The following WIPF1 variants were observed in gnomAD, a reference collection of about 807,000 sequenced individuals.
WIPF1 encodes WAS/WASL-interacting protein family member 1.
Under a neutral mutation model 35.4 loss-of-function variants are expected in WIPF1, and 13 were observed. The ratio of observed to expected loss-of-function variants is 0.37; its 90% CI spans 0.24 to 0.58. The LOEUF is 0.58. Ranked by LOEUF, WIPF1 falls within the 20% of genes least tolerant of loss-of-function variation. The pLI, the probability that WIPF1 is intolerant of heterozygous loss-of-function variation, is 0.74. For synonymous variants in WIPF1, 267 were observed against 266.3 expected, an observed-to-expected ratio of 1.00 and a Z score of -0.02; for missense variants, 591 against 667.0, an observed-to-expected ratio of 0.89 and a Z score of 1.25.
At chr2:174,655,025 C>T (rs751008046) in intron 1 of WIPF1, among the ~76,000 whole-genome samples, 4 of 152,316 alleles carry the variant, frequency 2.6e-5, no homozygotes, top group Non-Finnish European at 4.4e-5. Flanking sequence ...GGTATGTCCA[C>T]GCTGGCTCTC....
chr2:174,571,840 G>A lies in WIPF1; in HGVS notation c.965C>T (p.Pro322Leu), dbSNP rs2105805895. 6.2e-7 allele frequency: 1 copy of A among 1,614,186 alleles called. No individual in the cohort carries two copies. Among genetic ancestry groups the A allele is most frequent in the Non-Finnish European group, 8.5e-7 (1 of 1,180,030 alleles). ...PPSRPGPPPL[P>L]PSSSGNDETP... ...TTCGTCATTGCCGCTGGAACTTGGA[G>A]GCAGAGGAGGCGGCCCGGGCCTGCT... is the stretch of plus-strand genomic sequence containing the variant. The change falls in exon 5 of 8, where the codon CCT (proline) becomes CTT (leucine). Residue 322 changes from proline to leucine, a missense_variant. By Grantham distance (98) the Pro-to-Leu change is moderately conservative. Coordinates refer to ENST00000679041, the MANE Select transcript of WIPF1 (RefSeq NM_001375834.1). This position sits in a 1 kb window ranked among gnomAD's most constrained non-coding sequence, Gnocchi z 4.6.
At chr2:174,567,446 AG>A (rs1428426126) in intron 6 of WIPF1, among the ~76,000 whole-genome samples, 1 of 152,254 alleles carries the variant, frequency 6.6e-6, no homozygotes, top group African/African-American at 2.4e-5. Context: ...CTGGGGGCTA[AG>A]GTATGGGACA....
intron 1 of WIPF1, among the ~76,000 whole-genome samples, chr2:174,666,936 A>T (rs1313811778): frequency 2.6e-5 from 4 of 152,198 alleles, no homozygotes; most frequent in Non-Finnish European, 4.4e-5. Context: ...ACACAAAGAG[A>T]TCCCTTTGCC....
intron 1 of WIPF1, among the ~76,000 whole-genome samples, chr2:174,610,636 T>C (rs79413570): frequency 0.019 from 2,894 of 152,158 alleles, 56 homozygotes; most frequent in South Asian, 0.06. Context: ...AATGAAACAA[T>C]GATTAAACAA....
At chr2:174,677,207 A>T (rs1340590372) in intron 1 of WIPF1, 1 of 152,162 alleles carries the variant, frequency 6.6e-6, no homozygotes, top group Non-Finnish European at 1.5e-5. Flanking sequence ...CACTCTTAGG[A>T]TCAAATTTGT....
chr2:174,668,405 A>G (rs1391600510), intron 1 of WIPF1, among the ~76,000 whole-genome samples: 1 of 152,152 alleles, frequency 6.6e-6, no homozygotes, highest in African/African-American at 2.4e-5. Context: ...TTTTTTAGTT[A>G]AAAGAAAAAA....
chr2:174,653,664 C>G (rs763072335), intron 1 of WIPF1, among the ~76,000 whole-genome samples: 38 of 150,586 alleles, frequency 2.5e-4, no homozygotes, highest in Non-Finnish European at 4.7e-4. Flanking sequence ...ATGGCGTGAA[C>G]CTGGGAGGCG....
intron 1 of WIPF1, among the ~76,000 whole-genome samples, chr2:174,678,989 G>A (rs1005591387): frequency 6.6e-6 from 1 of 152,200 alleles, no homozygotes; most frequent in Non-Finnish European, 1.5e-5. Flanking sequence ...TATGGAGAAA[G>A]GAATGCCAAC....
At chr2:174,592,411 T>C (rs1381138813) in intron 1 of WIPF1, among the ~76,000 whole-genome samples, 2 of 152,126 alleles carry the variant, frequency 1.3e-5, no homozygotes, top group Non-Finnish European at 1.5e-5. Context: ...AAAGTAACCC[T>C]TAAATACTAT....
intron 1 of WIPF1, among the ~76,000 whole-genome samples, chr2:174,607,594 T>G (rs1350893144): frequency 6.6e-6 from 1 of 151,722 alleles, no homozygotes; most frequent in Non-Finnish European, 1.5e-5. Context: ...TCCTCGAGGA[T>G]TTGACACTCC....
chr2:174,666,739 TGCAGGAA>T (rs1687900212), intron 1 of WIPF1, among the ~76,000 whole-genome samples: 1 of 152,218 alleles, frequency 6.6e-6, no homozygotes, highest in Non-Finnish European at 1.5e-5. Context: ...GGCCTGGCTT[TGCAGGAA>T]GCTGGCTGAT....
chr2:174,602,030 G>A (rs1686026209), upstream of WIPF1, among the ~76,000 whole-genome samples: 1 of 152,198 alleles, frequency 6.6e-6, no homozygotes, highest in Non-Finnish European at 1.5e-5. Flanking sequence ...ATAACCAAAG[G>A]CCTGAGATAA....
Position 174,575,100 on chromosome 2 carries a change from A to C in WIPF1, c.358+104T>G, listed in dbSNP as rs1389613795. 2.3e-5 allele frequency: 28 copies of C among 1,242,574 alleles called. No individual in the cohort carries two copies. The East Asian group carries it at 3.2e-4, about 14-fold the overall frequency. 77.0% of individuals were successfully genotyped at this position (1,242,574 alleles called of 1,614,324 possible). A position where few individuals can be genotyped will look rare whatever the true frequency, so the allele number is the denominator to read the frequency against. Reference sequence around the variant, plus strand: ...AGTGGTAATATTTAAAACAATGTACAATATTTTAATAAGGGCGAAGAGCCT... The same window carrying C: ...AGTGGTAATATTTAAAACAATGTACCATATTTTAATAAGGGCGAAGAGCCT... On this transcript the variant is annotated intron_variant, in intron 4 of 7. Coordinates refer to ENST00000679041, the MANE Select transcript of WIPF1 (RefSeq NM_001375834.1).
At chr2:174,595,220 G>A (rs1685779664) in intron 1 of WIPF1, among the ~76,000 whole-genome samples, 1 of 134,764 alleles carries the variant, frequency 7.4e-6, no homozygotes, top group Non-Finnish European at 1.5e-5. Flanking sequence ...GAGTCCAGGA[G>A]TTTGAGGGTG....
chr2:174,618,401 G>T (rs1686575511), intron 1 of WIPF1, among the ~76,000 whole-genome samples: 1 of 152,246 alleles, frequency 6.6e-6, no homozygotes, highest in African/African-American at 2.4e-5. Flanking sequence ...GGCAAAAATG[G>T]ACAGCTGAGC....
chr2:174,627,463 TTC>T (rs1318710474), intron 1 of WIPF1, among the ~76,000 whole-genome samples: 1 of 150,088 alleles, frequency 6.7e-6, no homozygotes, highest in Non-Finnish European at 1.5e-5. Context: ...CTTTCTTCCT[TTC>T]TCTTTCTTTC....
rs1684472835 is a variant in WIPF1 at position 174,561,051 on chromosome 2, TC to T, written c.*1495del. The T allele has an allele frequency of 1.3e-5, 2 of 152,630 alleles. No homozygotes were observed. The highest frequency in any genetic ancestry group is 2.9e-5 in the Non-Finnish European group (2 of 68,038). The allele number at this position is 152,630 out of a possible 1,614,324, so 9.5% of individuals were successfully genotyped here. On this transcript the variant is annotated 3_prime_UTR_variant, in exon 8 of 8. Coordinates refer to ENST00000679041, the MANE Select transcript of WIPF1 (RefSeq NM_001375834.1). The stretch of plus-strand genomic sequence containing the variant: ...AAAATATCTAAGTGGAAATATTTTT[TC>T]CCAACTCTATAGCTAGATTTAAAAG...
At chr2:174,621,449 G>T (rs1050484305) in intron 1 of WIPF1, among the ~76,000 whole-genome samples, 4 of 152,036 alleles carry the variant, frequency 2.6e-5, no homozygotes, top group African/African-American at 9.7e-5. Context: ...CAGAGTCATA[G>T]ATCTGAATAA....
At chr2:174,663,580 G>A (rs1301413672) in intron 1 of WIPF1, among the ~76,000 whole-genome samples, 1 of 151,434 alleles carries the variant, frequency 6.6e-6, no homozygotes, top group Non-Finnish European at 1.5e-5. Context: ...GTGTTTATCA[G>A]GATTTTTCTG....
Sources: gnomAD v4.1 joint callset for allele counts (sites outside exome capture counted in the v4.1 genomes callset) on GRCh38, gnomAD v4.1.1 for gene constraint, Gnocchi (gnomAD v3.1) non-coding constraint, MANE v1.5 for transcripts, NCBI Gene and HGNC (gene_info 2026-07-23, HGNC 2026-07-21) for gene names.